Variants in DSG2 observed in about 807,000 individuals in gnomAD.
The protein encoded by DSG2 is desmoglein-2.
Under a neutral mutation model 75.6 loss-of-function variants are expected in DSG2, and 45 were observed. The ratio of observed to expected loss-of-function variants is 0.60; its 90% CI spans 0.47 to 0.76. DSG2 has a LOEUF of 0.76. DSG2 is among the 30% of genes least tolerant of loss of function. DSG2 has a pLI of 0.00. For synonymous variants in DSG2, 429 were observed against 483.9 expected (o/e 0.89, Z 1.49); for missense variants, 1,267 against 1,357.4 (o/e 0.93, Z 1.05).
intron 9 of DSG2, among the ~76,000 whole-genome samples, chr18:31,532,513 A>G (rs1402871200): frequency 6.6e-6 from 1 of 152,202 alleles, no homozygotes; most frequent in East Asian, 1.9e-4. Context: ...CAAGTGTAGC[A>G]AGAATGAAAA....
chr18:31,521,104 A>G lies in DSG2; in HGVS notation c.384A>G (p.Thr128=), dbSNP rs561929524. ...DREETPFFLL[T]GYALDARGNN... ...TATTTATGTCATGATTTCAGCTAACAGGTTACGCTTTGGATGCAAGAGGAA... is the reference window on the plus strand; with the variant it reads ...TATTTATGTCATGATTTCAGCTAACGGGTTACGCTTTGGATGCAAGAGGAA... Residue 128 remains threonine, a synonymous_variant, in exon 5 of 15, where the codon ACA becomes ACG. Transcript: ENST00000261590. 6.2e-7 allele frequency: 1 copy of G among 1,613,998 alleles called. No homozygotes were observed.
chr18:31,542,845 T>C lies in DSG2; in HGVS notation c.2327T>C (p.Phe776Ser), dbSNP rs2144353836. ...ALNEEFLRNYFTDKAASYTEE... is the reference protein window; with the variant it reads ...ALNEEFLRNYSTDKAASYTEE... ...AACGAAGAATTCTTAAGAAATTATT[T>C]CACTGATGTAAGGATGAGTTTTATG... The change falls in exon 14 of 15, where the codon TTC becomes TCC. Residue 776 changes from phenylalanine to serine, a missense_variant. Phe to Ser is a radical substitution (Grantham distance 155). Transcript: ENST00000261590. 1.3e-6 allele frequency: 2 copies of C among 1,494,702 alleles called. No homozygotes were observed. The highest frequency in any genetic ancestry group is 8.9e-7 in the Non-Finnish European group (1 of 1,119,876). The allele number at this position is 1,494,702 out of a possible 1,614,324, so 92.6% of individuals were successfully genotyped here.
intron 1 of DSG2, among the ~76,000 whole-genome samples, chr18:31,504,220 G>A (rs1338848397): frequency 1.3e-5 from 2 of 152,120 alleles, no homozygotes; most frequent in Admixed American, 1.3e-4. Flanking sequence ...TTTGGATGGA[G>A]ATGAGAGGAG....
chr18:31,506,184 C>T (rs2073038481), intron 1 of DSG2, among the ~76,000 whole-genome samples: 2 of 152,144 alleles, frequency 1.3e-5, no homozygotes, highest in Non-Finnish European at 2.9e-5. Flanking sequence ...AACCCAGGTT[C>T]ACCTGGCACC....
At position 31,538,980 on chromosome 18, in the gene DSG2, T is replaced by C. The variant is rs773655846; in HGVS notation, c.1879+2T>C. Reference sequence around the variant, plus strand: ...TTTTGGCCTTTCTGCTCCTGCTATGTAAGTCTTTAAAAGCCACTCTGTTGT... The same window carrying C: ...TTTTGGCCTTTCTGCTCCTGCTATGCAAGTCTTTAAAAGCCACTCTGTTGT... On this transcript the variant is annotated splice_donor_variant, in intron 12 of 14. Transcript: ENST00000261590. LOFTEE classifies it high-confidence loss of function. 1 of 1,612,690 alleles carries C rather than the reference T, an allele frequency of 6.2e-7. No homozygotes were observed. The highest frequency in any genetic ancestry group is 2.2e-5 in the East Asian group (1 of 44,886).
At chr18:31,501,849 G>T (rs923913389) in intron 1 of DSG2, among the ~76,000 whole-genome samples, 2 of 152,042 alleles carry the variant, frequency 1.3e-5, no homozygotes, top group Non-Finnish European at 2.9e-5. Flanking sequence ...TCTTTTAGGG[G>T]TCATAATTTG....
chr18:31,536,177 A>G (rs1232042448), intron 10 of DSG2, 25 bp from the exon 11 acceptor site: 16 of 1,608,662 alleles, frequency 9.9e-6, no homozygotes, highest in Non-Finnish European at 1.4e-5. Flanking sequence ...CAGAATGTAC[A>G]TACTTTTTCT....
intron 11 of DSG2, among the ~76,000 whole-genome samples, chr18:31,536,850 A>G (rs538122377): frequency 6.6e-6 from 1 of 152,318 alleles, no homozygotes; most frequent in South Asian, 2.1e-4. Flanking sequence ...TTCCTTCAAC[A>G]TTATTCCCTG....
At chr18:31,509,542 T>C (rs1184151292) in intron 1 of DSG2, among the ~76,000 whole-genome samples, 2 of 152,194 alleles carry the variant, frequency 1.3e-5, no homozygotes, top group African/African-American at 4.8e-5. Flanking sequence ...TAAGTTGGAC[T>C]TTTAAGTTGG....
In DSG2 at chr18:31,547,978, A is replaced by G. The variant is rs1423417497; in HGVS notation, c.*1235A>G. On this transcript the variant is annotated 3_prime_UTR_variant, in exon 15 of 15. Coordinates refer to ENST00000261590, the MANE Select transcript of DSG2 (RefSeq NM_001943.5). ...ACATGGGTGCCAAATAAATATTCGT[A>G]GAATTACACTGAATTGTAAAAACCA... 2.0e-5 allele frequency: 3 copies of G among 152,188 alleles called. No individual in the cohort carries two copies. The highest frequency in any genetic ancestry group is 4.4e-5 in the Non-Finnish European group (3 of 68,030). The allele number at this position is 152,188 out of a possible 1,614,324, so 9.4% of individuals were successfully genotyped here. A position where few individuals can be genotyped will look rare whatever the true frequency, so the allele number is the denominator to read the frequency against.
intron 9 of DSG2, among the ~76,000 whole-genome samples, chr18:31,532,164 T>C (rs970856780): frequency 6.6e-6 from 1 of 152,196 alleles, no homozygotes; most frequent in Non-Finnish European, 1.5e-5. Context: ...GATTTGTTAC[T>C]CACAGTTCTG....
At position 31,498,240 on chromosome 18, in the gene DSG2, G is replaced by GGCGAGGGT; in HGVS notation, c.-7_1dup. 8.0e-7 allele frequency: 1 copy of GGCGAGGGT among 1,255,208 alleles called. No homozygotes were observed. The highest frequency in any genetic ancestry group is 3.9e-5 in the South Asian group (1 of 25,326). 77.8% of individuals were successfully genotyped at this position (1,255,208 alleles called of 1,614,324 possible). ...GAGCGGTGCGGCGGCGGGAGGCGGA[G>GGCGAGGGT]GCGAGGGTGCGATGGCGCGGAGCCC... On this transcript the variant is annotated 5_prime_UTR_variant, in exon 1 of 15. Transcript: ENST00000261590.
chr18:31,504,082 G>A (rs932057308), intron 1 of DSG2, among the ~76,000 whole-genome samples: 5 of 151,996 alleles, frequency 3.3e-5, no homozygotes, highest in Admixed American at 1.3e-4. Flanking sequence ...TGATACATTC[G>A]TCCACTCAAC....
chr18:31,526,654 G>A (rs1422708253), intron 8 of DSG2, among the ~76,000 whole-genome samples: 2 of 152,122 alleles, frequency 1.3e-5, no homozygotes, highest in Non-Finnish European at 2.9e-5. Flanking sequence ...TACACGCAAG[G>A]AGAAACAGTC....
At position 31,546,402 on chromosome 18, in the gene DSG2, C is replaced by T; in HGVS notation, c.3016C>T (p.Gln1006Ter). ...TGGATCGAATCCTCTGGAAGGCACT[C>T]AGCATCTTCAAGATGTACCTTACGT... ...GGGSNPLEGT[Q>*]HLQDVPYVMV... The change falls in exon 15 of 15, where the codon CAG (glutamine) becomes TAG (stop). Residue 1006 changes from glutamine (Q) to a stop codon, truncating the protein, a stop_gained. Transcript: ENST00000261590. LOFTEE classifies it low-confidence loss of function (END_TRUNC). 1 of 1,614,164 alleles carries T rather than the reference C, an allele frequency of 6.2e-7. No individual in the cohort carries two copies. The highest frequency in any genetic ancestry group is 8.5e-7 in the Non-Finnish European group (1 of 1,180,014).
At chr18:31,515,989 G>A (rs2073092143) in intron 1 of DSG2, among the ~76,000 whole-genome samples, 1 of 152,196 alleles carries the variant, frequency 6.6e-6, no homozygotes, top group African/African-American at 2.4e-5. Flanking sequence ...ACTGAGAAAA[G>A]CTACACCAAA....
chr18:31,513,911 G>T (rs1282566732), intron 1 of DSG2, among the ~76,000 whole-genome samples: 2 of 152,096 alleles, frequency 1.3e-5, no homozygotes, highest in Admixed American at 6.5e-5. Context: ...TGATCTAATC[G>T]TGAGAAAAAC....
At chr18:31,523,368 T>A (rs2073141342) in intron 6 of DSG2, among the ~76,000 whole-genome samples, 1 of 152,050 alleles carries the variant, frequency 6.6e-6, no homozygotes, top group South Asian at 2.1e-4. Context: ...GCCACTGCAC[T>A]CCAGCCTGGG....
At chr18:31,524,370 TA>T (rs1481104133) in intron 6 of DSG2, 77 bp from the exon 7 acceptor site, 1 of 1,581,664 alleles carries the variant, frequency 6.3e-7, no homozygotes. Flanking sequence ...TGGTACGTGA[TA>T]AACTGGACTA....
Sources: allele counts gnomAD v4.1 joint callset (sites outside exome capture counted in the v4.1 genomes callset), GRCh38; gene constraint gnomAD v4.1.1; transcripts MANE v1.5; gene names NCBI Gene and HGNC (gene_info 2026-07-23, HGNC 2026-07-21).